Variants in ATP11A observed in about 807,000 individuals in gnomAD.
The protein encoded by ATP11A is ATPase phospholipid transporting 11A.
A neutral mutation model predicts 154.4 loss-of-function variants in ATP11A; 81 were observed. The observed-to-expected ratio is 0.52, with a 90% CI of 0.44 to 0.63. The LOEUF (loss-of-function observed/expected upper bound fraction) is 0.63, where lower values mean the gene tolerates loss of function less well. Among genes scored for constraint, ATP11A ranks in the 30% least tolerant of loss-of-function variants. The pLI, the probability that ATP11A is intolerant of heterozygous loss-of-function variation, is 0.00. For missense variants in ATP11A, 1,316 were observed against 1,474.3 expected (o/e 0.89, Z 1.76); for synonymous variants, 623 against 585.9 (o/e 1.06, Z -0.91).
chr13:112,700,264 GC>G (rs1413945597), intron 1 of ATP11A, among the ~76,000 whole-genome samples: 6 of 152,146 alleles, frequency 3.9e-5, no homozygotes, highest in Non-Finnish European at 8.8e-5. Flanking sequence ...TCCTTAGCGT[GC>G]CCACCCCCAA....
intron 2 of ATP11A, among the ~76,000 whole-genome samples, chr13:112,788,787 C>T (rs1042211965): frequency 6.6e-6 from 1 of 150,646 alleles, no homozygotes; most frequent in South Asian, 2.1e-4. Flanking sequence ...GCGTGTAAAC[C>T]CCTGTGTAGA....
intron 19 of ATP11A, among the ~76,000 whole-genome samples, chr13:112,854,901 A>G (rs2079878199): frequency 6.6e-6 from 1 of 152,308 alleles, no homozygotes; most frequent in African/African-American, 2.4e-5. Context: ...GGAAGTGGAG[A>G]TATTAATAAT....
intron 6 of ATP11A, among the ~76,000 whole-genome samples, chr13:112,817,996 T>A (rs779040026): frequency 1.4e-4 from 22 of 152,234 alleles, no homozygotes; most frequent in Non-Finnish European, 3.1e-4. Context: ...CAACCCTATC[T>A]CTCAGGGGCT....
chr13:112,691,766 C>A (rs903533197), intron 1 of ATP11A, among the ~76,000 whole-genome samples: 6 of 152,068 alleles, frequency 3.9e-5, no homozygotes, highest in African/African-American at 1.4e-4. Context: ...GGTTTCTTTT[C>A]AGTGGGGGAT....
In ATP11A at chr13:112,838,313, C is replaced by T. The variant is rs751928692; in HGVS notation, c.1705+2062C>T. On this transcript the variant is annotated intron_variant, in intron 16 of 29. Transcript: ENST00000375645. The surrounding 1 kb of genome is among the most constrained non-coding windows in gnomAD (Gnocchi z 7.3). ...GTCCATCCCGTCACGTGGTTTTCCC[C>T]GTAGCAGTCGAATCTAGCTGTTGAG... Among the ~76,000 whole-genome samples, 2 of 152,152 alleles carry T rather than the reference C, an allele frequency of 1.3e-5. No homozygotes were observed.
chr13:112,781,126 C>T (rs1465827437), intron 1 of ATP11A, among the ~76,000 whole-genome samples: 6 of 152,156 alleles, frequency 3.9e-5, no homozygotes, highest in African/African-American at 9.7e-5. Flanking sequence ...GCAACCTCCA[C>T]CTCCGGGTTC....
chr13:112,789,969 T>C lies in ATP11A; in HGVS notation c.162+4712T>C, dbSNP rs139761137. 5.7e-4 allele frequency among the ~76,000 whole-genome samples: 85 copies of C among 148,170 alleles called. No individual in the cohort carries two copies. The East Asian group carries it at 0.017, about 29-fold the overall frequency. The stretch of plus-strand genomic sequence containing the variant: ...GTATACCTATTTAATTCACACCGGG[T>C]GTCCTGGCGTGTAAACCCCTGTGTA... On this transcript the variant is annotated intron_variant, in intron 2 of 29. Coordinates refer to ENST00000375645, the MANE Select transcript of ATP11A (RefSeq NM_015205.3).
rs975094676 is a variant in ATP11A, at chr13:112,807,425, A to G, written c.333+1132A>G. Among the ~76,000 whole-genome samples, 4 of 152,192 alleles carry G rather than the reference A, an allele frequency of 2.6e-5. No individual in the cohort carries two copies. The highest frequency in any genetic ancestry group is 9.6e-5 in the African/African-American group (4 of 41,456). ...CTGGTGTCCCTCCGTAAGGAAATGG[A>G]CAGCTCCGCCGCGGTGCATGGCAGA... is the stretch of plus-strand genomic sequence containing the variant. On this transcript the variant is annotated intron_variant, in intron 4 of 29. Transcript: ENST00000375645. The surrounding 1 kb of genome is among the most constrained non-coding windows in gnomAD (Gnocchi z 4.5).
chr13:112,839,593 C>G (rs2079336981), intron 16 of ATP11A, among the ~76,000 whole-genome samples: 1 of 152,178 alleles, frequency 6.6e-6, no homozygotes, highest in East Asian at 1.9e-4. Context: ...GCGACACAAC[C>G]CAGCTGTCTT....
chr13:112,763,979 CT>C (rs2077018213), intron 1 of ATP11A, among the ~76,000 whole-genome samples: 1 of 152,240 alleles, frequency 6.6e-6, no homozygotes, highest in African/African-American at 2.4e-5. Flanking sequence ...ATGGTTTTAA[CT>C]TTGGCAAAAT....
At chr13:112,818,367 G>T (rs890110729) in intron 6 of ATP11A, among the ~76,000 whole-genome samples, 4 of 152,312 alleles carry the variant, frequency 2.6e-5, no homozygotes, top group South Asian at 2.1e-4. Context: ...GATCATTTGT[G>T]TGCTTGGTGA....
chr13:112,858,029 C>T, intron 21 of ATP11A, 109 bp downstream of exon 21: 2 of 1,559,302 alleles, frequency 1.3e-6, no homozygotes, highest in East Asian at 2.3e-5. Context: ...CGTCACCACC[C>T]TCGTGTGTGA....
Position 112,730,050 on chromosome 13 carries a change from A to G in ATP11A, c.39+39595A>G, listed in dbSNP as rs551385911. On this transcript the variant is annotated intron_variant, in intron 1 of 29. Coordinates refer to ENST00000375645, the MANE Select transcript of ATP11A (RefSeq NM_015205.3). ...AGAGTCTCATCTCTGTGTCCATGCTAAGTGCAGCTTCTCATGATGGTGGAG... is the reference window on the plus strand; with the variant it reads ...AGAGTCTCATCTCTGTGTCCATGCTGAGTGCAGCTTCTCATGATGGTGGAG... Among the ~76,000 whole-genome samples the G allele has an allele frequency of 9.2e-4, 140 of 152,316 alleles. 1 individual carries two copies. Among genetic ancestry groups the G allele is most frequent in the African/African-American group, 2.8e-3 (115 of 41,568 alleles).
intron 18 of ATP11A, among the ~76,000 whole-genome samples, chr13:112,852,616 G>C (rs545517169): frequency 3.3e-5 from 5 of 152,154 alleles, no homozygotes; most frequent in African/African-American, 1.2e-4. Context: ...AGGGGTGTCC[G>C]TAGGATGGTG....
chr13:112,831,688 G>A, intron 13 of ATP11A, 140 bp downstream of exon 13: 3 of 986,056 alleles, frequency 3.0e-6, no homozygotes, highest in Non-Finnish European at 4.5e-6. Context: ...GTCAGAAGGT[G>A]CGATGTGTGT....
intron 1 of ATP11A, among the ~76,000 whole-genome samples, chr13:112,698,988 A>G (rs980875346): frequency 6.6e-6 from 1 of 152,192 alleles, no homozygotes; most frequent in African/African-American, 2.4e-5. Flanking sequence ...TCGGCCTCCC[A>G]AAGTACTGGC....
chr13:112,802,053 G>C (rs1299462880), intron 2 of ATP11A, among the ~76,000 whole-genome samples: 1 of 152,144 alleles, frequency 6.6e-6, no homozygotes, highest in Non-Finnish European at 1.5e-5. Flanking sequence ...TGAAAGAATA[G>C]AGAAATAGCG....
chr13:112,753,066 C>T lies in ATP11A; in HGVS notation c.40-32069C>T, dbSNP rs917600204. On this transcript the variant is annotated intron_variant, in intron 1 of 29. Transcript: ENST00000375645. This position sits in a 1 kb window ranked among gnomAD's most constrained non-coding sequence, Gnocchi z 4.1. ...AGGTAGAAGTCAGTGACATCAGGCC[C>T]AGGGTAAATGAGTCAGTGTTCCCAA... Among the ~76,000 whole-genome samples the T allele has an allele frequency of 4.6e-5, 7 of 152,174 alleles. No homozygotes were observed. Among genetic ancestry groups the T allele is most frequent in the Non-Finnish European group, 1.0e-4 (7 of 68,024 alleles).
intron 18 of ATP11A, chr13:112,851,461 T>C: frequency 2.4e-6 from 1 of 424,776 alleles, no homozygotes; most frequent in Non-Finnish European, 4.2e-6. Flanking sequence ...CAGGAAGTAG[T>C]GAAAATAGCT....
Sources: gnomAD v4.1 joint callset for allele counts (sites outside exome capture counted in the v4.1 genomes callset) on GRCh38, gnomAD v4.1.1 for gene constraint, Gnocchi (gnomAD v3.1) non-coding constraint, MANE v1.5 for transcripts, NCBI Gene and HGNC (gene_info 2026-07-23, HGNC 2026-07-21) for gene names.